MARCHF11: variants seen among roughly 807,000 people sequenced by gnomAD.
MARCHF11 encodes the protein membrane associated ring-CH-type finger 11, also known as E3 ubiquitin-protein ligase MARCHF11.
Under a neutral mutation model 37.3 loss-of-function variants are expected in MARCHF11, and 29 were observed. The observed-to-expected ratio is 0.78, with a 90% CI of 0.58 to 1.06. MARCHF11 has a LOEUF of 1.06. Among genes scored for constraint, MARCHF11 ranks in the 50% least tolerant of loss-of-function variants. MARCHF11 has a pLI of 0.00. For missense variants in MARCHF11, 482 were observed against 533.4 expected, an observed-to-expected ratio of 0.90 and a Z score of 0.95; for synonymous variants, 233 against 228.0, an observed-to-expected ratio of 1.02 and a Z score of -0.20.
intron 2 of MARCHF11, among the ~76,000 whole-genome samples, chr5:16,159,008 A>C (rs1738029257): frequency 1.3e-5 from 2 of 151,916 alleles, no homozygotes; most frequent in Admixed American, 1.3e-4. Flanking sequence ...AAGATAATGG[A>C]TATGCCAACT....
At chr5:16,106,194 G>A (rs959175955) in intron 2 of MARCHF11, among the ~76,000 whole-genome samples, 1 of 152,184 alleles carries the variant, frequency 6.6e-6, no homozygotes, top group Admixed American at 6.5e-5. Flanking sequence ...CCAGGCAGGA[G>A]CAACCTGAAT....
At chr5:16,122,490 CAAG>C (rs1050490440) in intron 2 of MARCHF11, among the ~76,000 whole-genome samples, 2 of 152,196 alleles carry the variant, frequency 1.3e-5, no homozygotes, top group African/African-American at 4.8e-5. Context: ...ATTTTTAGGA[CAAG>C]AAGAATTCAA....
chr5:16,150,583 G>A (rs141414693), intron 2 of MARCHF11, among the ~76,000 whole-genome samples: 21 of 138,326 alleles, frequency 1.5e-4, no homozygotes, highest in East Asian at 5.9e-4. Flanking sequence ...TCAGGTCTGC[G>A]GTACATTCAT....
intron 2 of MARCHF11, among the ~76,000 whole-genome samples, chr5:16,153,126 T>C (rs1579415150): frequency 6.6e-6 from 1 of 151,806 alleles, no homozygotes; most frequent in African/African-American, 2.4e-5. Flanking sequence ...AAGGTAAGGG[T>C]CATGGACATT....
At chr5:16,082,463 C>A (rs569811271) in intron 3 of MARCHF11, among the ~76,000 whole-genome samples, 1 of 152,244 alleles carries the variant, frequency 6.6e-6, no homozygotes, top group South Asian at 2.1e-4. Flanking sequence ...AACCTCACAG[C>A]CCAGGGCTCC....
At chr5:16,098,902 T>A (rs576916227) in intron 2 of MARCHF11, among the ~76,000 whole-genome samples, 8 of 152,300 alleles carry the variant, frequency 5.3e-5, no homozygotes, top group Middle Eastern at 3.4e-3. Context: ...TTAAGACTAA[T>A]TTTTTAAAAA....
chr5:16,084,656 A>G (rs529843181), intron 3 of MARCHF11, among the ~76,000 whole-genome samples: 4 of 152,224 alleles, frequency 2.6e-5, no homozygotes, highest in African/African-American at 4.8e-5. Context: ...AAAACAAAAA[A>G]AAAAAAGAAT....
chr5:16,167,488 A>G (rs1005740056), intron 2 of MARCHF11, among the ~76,000 whole-genome samples: 1 of 152,072 alleles, frequency 6.6e-6, no homozygotes, highest in Non-Finnish European at 1.5e-5. Context: ...TTTTTGTTCT[A>G]GTCAGGCTTT....
At chr5:16,127,333 G>T (rs1737427417) in intron 2 of MARCHF11, among the ~76,000 whole-genome samples, 1 of 152,128 alleles carries the variant, frequency 6.6e-6, no homozygotes, top group African/African-American at 2.4e-5. Context: ...ACAAGGGCAG[G>T]CCATAAAAAA....
intron 3 of MARCHF11, among the ~76,000 whole-genome samples, chr5:16,070,667 T>C (rs1396911061): frequency 2.0e-5 from 3 of 152,220 alleles, no homozygotes; most frequent in Non-Finnish European, 4.4e-5. Context: ...TACATAAATC[T>C]AACCAATATG....
At chr5:16,162,941 G>T (rs959477516) in intron 2 of MARCHF11, among the ~76,000 whole-genome samples, 1 of 152,096 alleles carries the variant, frequency 6.6e-6, no homozygotes, top group South Asian at 2.1e-4. Flanking sequence ...GAAACATAGA[G>T]TAGCGTTGTT....
chr5:16,117,448 C>T (rs1737241427), intron 2 of MARCHF11, among the ~76,000 whole-genome samples: 1 of 152,214 alleles, frequency 6.6e-6, no homozygotes. Flanking sequence ...CTTCTTTGCA[C>T]TCCTGAACTA....
chr5:16,106,302 T>C (rs566574689), intron 2 of MARCHF11, among the ~76,000 whole-genome samples: 19 of 152,148 alleles, frequency 1.2e-4, no homozygotes, highest in Non-Finnish European at 2.1e-4. Context: ...ATTTGAAAAG[T>C]AGAAAGTGTG....
intron 2 of MARCHF11, among the ~76,000 whole-genome samples, chr5:16,158,903 G>A (rs1198501453): frequency 6.6e-6 from 1 of 151,670 alleles, no homozygotes; most frequent in African/African-American, 2.4e-5. Context: ...CCCTCCCTGT[G>A]TCCATCCATG....
intron 2 of MARCHF11, among the ~76,000 whole-genome samples, chr5:16,149,608 C>T (rs1356770735): frequency 6.6e-6 from 1 of 152,128 alleles, no homozygotes; most frequent in Non-Finnish European, 1.5e-5. Context: ...GTTTCTCCCA[C>T]CTCCATTGAA....
At chr5:16,176,326 T>G (rs1021072594) in intron 2 of MARCHF11, among the ~76,000 whole-genome samples, 1 of 152,300 alleles carries the variant, frequency 6.6e-6, no homozygotes, top group East Asian at 1.9e-4. Context: ...TCCCACATAC[T>G]TCTACTGATA....
intron 2 of MARCHF11, among the ~76,000 whole-genome samples, chr5:16,133,354 C>T (rs878935520): frequency 6.6e-6 from 1 of 152,060 alleles, no homozygotes; most frequent in African/African-American, 2.4e-5. Flanking sequence ...GCCCAGTTGC[C>T]CTAGTCTAGG....
intron 3 of MARCHF11, among the ~76,000 whole-genome samples, chr5:16,068,645 A>G (rs1246465682): frequency 6.6e-6 from 1 of 152,242 alleles, no homozygotes; most frequent in Non-Finnish European, 1.5e-5. Flanking sequence ...GACAGGATGC[A>G]CTAGCACATG....
intron 2 of MARCHF11, among the ~76,000 whole-genome samples, chr5:16,117,504 T>C (rs1737242115): frequency 6.6e-6 from 1 of 152,206 alleles, no homozygotes; most frequent in Non-Finnish European, 1.5e-5. Flanking sequence ...ATGTAGGTAA[T>C]GATTTGCAAA....
Sources: allele counts gnomAD v4.1 joint callset (sites outside exome capture counted in the v4.1 genomes callset), GRCh38; gene constraint gnomAD v4.1.1; transcripts MANE v1.5; gene names NCBI Gene and HGNC (gene_info 2026-07-23, HGNC 2026-07-21).